The following BRINP3 variants were observed in gnomAD, a reference collection of about 807,000 sequenced individuals.
The protein encoded by BRINP3 is BMP/retinoic acid inducible neural specific 3, also known as BMP/retinoic acid-inducible neural-specific protein 3.
Under a neutral mutation model 71.0 loss-of-function variants are expected in BRINP3, and 19 were observed. The observed-to-expected ratio is 0.27, with a 90% CI of 0.19 to 0.39. The LOEUF is 0.39. Among genes scored for constraint, BRINP3 ranks in the 10% least tolerant of loss-of-function variants. The pLI is 1.00. For synonymous variants in BRINP3, 380 were observed against 337.7 expected (o/e 1.13, Z -1.37); for missense variants, 959 against 940.8 (o/e 1.02, Z -0.25).
At chr1:190,249,258 A>G (rs577494899) in intron 4 of BRINP3, among the ~76,000 whole-genome samples, 4 of 151,988 alleles carry the variant, frequency 2.6e-5, no homozygotes, top group African/African-American at 9.6e-5. Context: ...AGCAGCCCTA[A>G]GCACAGCACA....
chr1:190,125,724 A>G (rs1452538117), intron 7 of BRINP3, among the ~76,000 whole-genome samples: 30 of 152,040 alleles, frequency 2.0e-4, no homozygotes, highest in Non-Finnish European at 4.4e-5. Flanking sequence ...AGCTGAGTAC[A>G]GAGATAGCCA....
intron 7 of BRINP3, among the ~76,000 whole-genome samples, chr1:190,140,103 T>C (rs565001624): frequency 1.3e-5 from 2 of 152,188 alleles, no homozygotes; most frequent in Non-Finnish European, 2.9e-5. Context: ...TAGCAAATAG[T>C]GGAAATAGGT....
chr1:190,340,685 T>C (rs537365607), intron 2 of BRINP3, among the ~76,000 whole-genome samples: 1 of 151,778 alleles, frequency 6.6e-6, no homozygotes, highest in East Asian at 1.9e-4. Context: ...CCCACATGCA[T>C]ACTAGAATAG....
At chr1:190,216,910 A>C (rs570216335) in intron 6 of BRINP3, 1 of 152,054 alleles carries the variant, frequency 6.6e-6, no homozygotes, top group African/African-American at 2.4e-5. Flanking sequence ...TAGCAAACAT[A>C]AACTGATTTT....
chr1:190,133,369 T>C (rs1026961963), intron 7 of BRINP3, among the ~76,000 whole-genome samples: 1 of 152,084 alleles, frequency 6.6e-6, no homozygotes, highest in African/African-American at 2.4e-5. Context: ...AAAATAAATA[T>C]ATGCATTATA....
In BRINP3 at chr1:190,226,140, C is replaced by A; in HGVS notation, c.903G>T (p.Glu301Asp). The A allele has an allele frequency of 4.3e-6, 7 of 1,611,686 alleles. No individual in the cohort carries two copies. The highest frequency in any genetic ancestry group is 5.9e-6 in the Non-Finnish European group (7 of 1,178,560). The change falls in exon 6 of 8, where the codon GAG becomes GAT. Residue 301 changes from glutamate (E) to aspartate (D), a missense_variant. Coordinates refer to ENST00000367462, the MANE Select transcript of BRINP3 (RefSeq NM_199051.3). ...AGGTTTCAGTTATTCGAAGAAGATT[C>A]TCTTCCATGGCTTGAATGTCCATGG... The part of the protein sequence containing the change: ...CPSMDIQAME[E>D]NLLRITETWK...
intron 1 of BRINP3, among the ~76,000 whole-genome samples, chr1:190,467,992 T>C (rs1676873290): frequency 6.6e-6 from 1 of 151,418 alleles, no homozygotes; most frequent in Non-Finnish European, 1.5e-5. Flanking sequence ...TAAGTGGTAA[T>C]TTTTAAAATC....
intron 7 of BRINP3, among the ~76,000 whole-genome samples, chr1:190,127,302 G>T (rs1339638117): frequency 6.6e-6 from 1 of 151,736 alleles, no homozygotes; most frequent in East Asian, 1.9e-4. Flanking sequence ...ACACCTAATA[G>T]AAATAAATGT....
chr1:190,406,700 T>C (rs747488250), intron 2 of BRINP3, among the ~76,000 whole-genome samples: 22 of 152,196 alleles, frequency 1.4e-4, no homozygotes, highest in Admixed American at 6.5e-4. Flanking sequence ...TCTTGTCTAA[T>C]TTCTGTTAAG....
chr1:190,245,937 C>G (rs921263887), intron 4 of BRINP3, among the ~76,000 whole-genome samples: 2 of 151,886 alleles, frequency 1.3e-5, no homozygotes, highest in African/African-American at 4.8e-5. Flanking sequence ...ATGAACTCAT[C>G]ATTTTTTATG....
chr1:190,314,452 A>C lies in BRINP3; in HGVS notation c.237-32702T>G, dbSNP rs1264576233. Among the ~76,000 whole-genome samples, 4 of 152,206 alleles carry C rather than the reference A, an allele frequency of 2.6e-5. No individual in the cohort carries two copies. The South Asian group carries it at 8.3e-4, about 32-fold the overall frequency. ...GGATTAACTAGGTGGGCTCAATATA[A>C]TCCAAACAGTCATTTGAAGTAGAGG... On this transcript the variant is annotated intron_variant, in intron 2 of 7. Transcript: ENST00000367462.
At chr1:190,340,919 C>T (rs996680604) in intron 2 of BRINP3, among the ~76,000 whole-genome samples, 4 of 150,892 alleles carry the variant, frequency 2.7e-5, no homozygotes, top group Non-Finnish European at 4.4e-5. Context: ...TTTTTTTTTC[C>T]AAGAAATACT....
intron 1 of BRINP3, among the ~76,000 whole-genome samples, chr1:190,456,450 A>G (rs181933111): frequency 2.0e-5 from 3 of 152,288 alleles, no homozygotes; most frequent in Middle Eastern, 3.4e-3. Context: ...AAGGAATATT[A>G]TAATAGAAGA....
Position 190,226,284 on chromosome 1 carries a change from T to G in BRINP3, c.759A>C (p.Glu253Asp). The change falls in exon 6 of 8, where the codon GAA becomes GAC. Residue 253 changes from glutamate (E) to aspartate (D), a missense_variant. Transcript: ENST00000367462. ...LQVLLPDYLQERFVQAALSYI... is the reference protein window; with the variant it reads ...LQVLLPDYLQDRFVQAALSYI... ...AGCTCAAAGCTGCTTGTACAAAACG[T>G]TCCTGAAGATAGTCTGGGAGAAGTA... 1 of 1,607,166 alleles carries G rather than the reference T, an allele frequency of 6.2e-7. No homozygotes were observed. The highest frequency in any genetic ancestry group is 1.1e-5 in the South Asian group (1 of 90,198).
At chr1:190,119,244 ATC>A (rs1269912426) in intron 7 of BRINP3, among the ~76,000 whole-genome samples, 1 of 150,070 alleles carries the variant, frequency 6.7e-6, no homozygotes, top group African/African-American at 2.5e-5. Flanking sequence ...GATTTTTTCC[ATC>A]TGTTTTATTT....
At chr1:190,215,484 A>G (rs890315337) in intron 6 of BRINP3, among the ~76,000 whole-genome samples, 3 of 151,970 alleles carry the variant, frequency 2.0e-5, no homozygotes, top group Non-Finnish European at 4.4e-5. Flanking sequence ...TCCTCTTTCC[A>G]TAAACTGATG....
rs369269438 is a variant in BRINP3 at position 190,299,365 on chromosome 1, CT to C, written c.237-17616del. The stretch of plus-strand genomic sequence containing the variant: ...TTCTTTTGTTTCTGTTTTCCATTCT[CT>C]TTCTCTTTTTTCCTATCCTCTTGAG... On this transcript the variant is annotated intron_variant, in intron 2 of 7. Transcript: ENST00000367462. Among the ~76,000 whole-genome samples, 844 of 151,560 alleles carry C rather than the reference CT, an allele frequency of 5.6e-3. 13 individuals carry two copies. The highest frequency in any genetic ancestry group is 0.041 in the South Asian group (199 of 4,812).
rs1009927876 is a variant in BRINP3 at position 190,186,811 on chromosome 1, GA to G, written c.962-25922del. ...GCTTGGTAAAGTGGTATGGTAAATAGAAAAAAAAAATAACTCTTTTTAAGAA... is the reference window on the plus strand; with the variant it reads ...GCTTGGTAAAGTGGTATGGTAAATAGAAAAAAAAATAACTCTTTTTAAGAA... On this transcript the variant is annotated intron_variant, in intron 6 of 7. Coordinates refer to ENST00000367462, the MANE Select transcript of BRINP3 (RefSeq NM_199051.3). Among the ~76,000 whole-genome samples the G allele has an allele frequency of 7.9e-3, 1,166 of 148,068 alleles. 7 individuals are homozygous for G. Among genetic ancestry groups the G allele is most frequent in the African/African-American group, 0.011 (463 of 40,486 alleles).
intron 2 of BRINP3, among the ~76,000 whole-genome samples, chr1:190,448,103 G>T (rs1277904899): frequency 6.6e-6 from 1 of 151,544 alleles, no homozygotes; most frequent in Non-Finnish European, 1.5e-5. Flanking sequence ...GAATATGAAA[G>T]AATTTCCTAT....
Sources: gnomAD v4.1 joint callset for allele counts (sites outside exome capture counted in the v4.1 genomes callset) on GRCh38, gnomAD v4.1.1 for gene constraint, MANE v1.5 for transcripts, NCBI Gene and HGNC (gene_info 2026-07-23, HGNC 2026-07-21) for gene names.